SLC24A4: variants seen among roughly 807,000 people sequenced by gnomAD.
The protein encoded by SLC24A4 is sodium/potassium/calcium exchanger 4.
A neutral mutation model predicts 79.0 loss-of-function variants in SLC24A4; 53 were observed. The ratio of observed to expected loss-of-function variants is 0.67; its 90% CI spans 0.54 to 0.84. The LOEUF is 0.84. Among genes scored for constraint, SLC24A4 ranks in the 40% least tolerant of loss-of-function variants. SLC24A4 has a pLI of 0.00. For missense variants in SLC24A4, 731 were observed against 822.0 expected, an observed-to-expected ratio of 0.89 and a Z score of 1.35; for synonymous variants, 323 against 323.8, an observed-to-expected ratio of 1.00 and a Z score of 0.03.
intron 2 of SLC24A4, among the ~76,000 whole-genome samples, chr14:92,404,102 A>G (rs957047961): frequency 3.3e-5 from 5 of 152,188 alleles, no homozygotes; most frequent in Admixed American, 2.6e-4. Flanking sequence ...CTGAATTAAC[A>G]GTGGCATACA....
At chr14:92,472,778 G>C (rs757244251) in intron 12 of SLC24A4, among the ~76,000 whole-genome samples, 1 of 152,168 alleles carries the variant, frequency 6.6e-6, no homozygotes, top group Non-Finnish European at 1.5e-5. Context: ...CACATAATGA[G>C]TTCTTTTCCT....
rs118114784 is a variant in SLC24A4 at position 92,403,270 on chromosome 14, G to T, written c.242-30642G>T. 1.4e-3 allele frequency among the ~76,000 whole-genome samples: 207 copies of T among 152,234 alleles called. 10 individuals carry two copies. In the East Asian group the frequency reaches 0.035, roughly 26 times the overall value. ...ACCTTCTTGGCCATGATACAGTCAT[G>T]CATCCCCGCACACAGAATTAGTTCA... On this transcript the variant is annotated intron_variant, in intron 2 of 16. Transcript: ENST00000532405.
In SLC24A4 at chr14:92,494,828, A is replaced by AAGAATGGGAGGCT. The variant is rs1444901649; in HGVS notation, c.*1201_*1213dup. On this transcript the variant is annotated 3_prime_UTR_variant, in exon 17 of 17. Coordinates refer to ENST00000532405, the MANE Select transcript of SLC24A4 (RefSeq NM_153646.4). This position sits in a 1 kb window ranked among gnomAD's most constrained non-coding sequence, Gnocchi z 4.6. ...ACGTAGTTTCTACACGTGGCAGGCC[A>AAGAATGGGAGGCT]AGAATGGGAGGCTGACTCAAAACTA... 1 of 152,654 alleles carries AAGAATGGGAGGCT rather than the reference A, an allele frequency of 6.6e-6. No individual in the cohort carries two copies. The highest frequency in any genetic ancestry group is 1.5e-5 in the Non-Finnish European group (1 of 68,050). 9.5% of individuals were successfully genotyped at this position (152,654 alleles called of 1,614,324 possible). A position where few individuals can be genotyped will look rare whatever the true frequency, so the allele number is the denominator to read the frequency against.
intron 2 of SLC24A4, among the ~76,000 whole-genome samples, chr14:92,387,698 A>G (rs1889242317): frequency 6.6e-6 from 1 of 152,246 alleles, no homozygotes. Context: ...TGTACCCATG[A>G]GCACTAACTC....
chr14:92,465,593 T>G (rs116464800), intron 12 of SLC24A4, among the ~76,000 whole-genome samples: 1,757 of 152,270 alleles, frequency 0.012, 30 homozygotes, highest in African/African-American at 0.041. Context: ...GGCTTCTCCC[T>G]TGACTGACAG....
intron 7 of SLC24A4, among the ~76,000 whole-genome samples, chr14:92,443,866 G>T (rs1315062176): frequency 6.6e-6 from 1 of 152,160 alleles, no homozygotes; most frequent in Non-Finnish European, 1.5e-5. Flanking sequence ...CACTCATGTG[G>T]CTGTGGGCAG....
intron 2 of SLC24A4, among the ~76,000 whole-genome samples, chr14:92,400,429 C>T (rs1266960887): frequency 1.6e-5 from 2 of 122,796 alleles, no homozygotes; most frequent in African/African-American, 3.2e-5. Flanking sequence ...CAGAGCGAGA[C>T]TCCATCTCAA....
Position 92,433,933 on chromosome 14 carries a change from A to G in SLC24A4, c.263A>G (p.Asp88Gly), listed in dbSNP as rs1216081460. The G allele has an allele frequency of 1.2e-6, 2 of 1,614,118 alleles. No individual in the cohort carries two copies. The highest frequency in any genetic ancestry group is 1.7e-6 in the Non-Finnish European group (2 of 1,180,008). ...TDPAIHEFPT[D>G]LFSNKERQHG... The stretch of plus-strand genomic sequence containing the variant: ...CCAGCGATTCACGAGTTCCCCACAG[A>G]TCTGTTCTCCAATAAGGAGCGACAG... The change falls in exon 3 of 17, where the codon GAT (aspartate) becomes GGT (glycine). Residue 88 changes from aspartate (D) to glycine (G), a missense_variant. By Grantham distance (94) the Asp-to-Gly change is moderately conservative. Transcript: ENST00000532405.
Position 92,323,799 on chromosome 14 carries a change from C to T in SLC24A4, c.-32C>T, listed in dbSNP as rs1206057685. 6.5e-7 allele frequency: 1 copy of T among 1,541,474 alleles called. No individual in the cohort carries two copies. Among genetic ancestry groups the T allele is most frequent in the African/African-American group, 1.4e-5 (1 of 73,728 alleles). On this transcript the variant is annotated 5_prime_UTR_variant, in exon 1 of 17. Coordinates refer to ENST00000532405, the MANE Select transcript of SLC24A4 (RefSeq NM_153646.4). This position sits in a 1 kb window ranked among gnomAD's most constrained non-coding sequence, Gnocchi z 4.9. ...ACTCTGGCCGCTGAAGCTCCCCATC[C>T]TCTCCCAGAGACGGCACCCAGGCGC...
chr14:92,384,685 T>G (rs1431397724), intron 2 of SLC24A4, among the ~76,000 whole-genome samples: 1 of 152,088 alleles, frequency 6.6e-6, no homozygotes, highest in East Asian at 1.9e-4. Context: ...TACTGAGGCT[T>G]TAAATGAGCA....
intron 14 of SLC24A4, 35 bp from the exon 15 acceptor site, chr14:92,491,630 C>A: frequency 7.0e-7 from 1 of 1,424,860 alleles, no homozygotes; most frequent in Admixed American, 1.7e-5. Context: ...TGGTGACCTG[C>A]TCTTATAAAA....
intron 2 of SLC24A4, among the ~76,000 whole-genome samples, chr14:92,359,978 G>A (rs901067384): frequency 6.6e-6 from 1 of 152,230 alleles, no homozygotes; most frequent in Non-Finnish European, 1.5e-5. Context: ...GAGTGCAGTG[G>A]TGCGATCTTG....
At chr14:92,440,892 C>A (rs904843051) in intron 4 of SLC24A4, among the ~76,000 whole-genome samples, 1 of 151,492 alleles carries the variant, frequency 6.6e-6, no homozygotes, top group African/African-American at 2.4e-5. Context: ...GCATCCCAGG[C>A]GGAAGGAATG....
intron 10 of SLC24A4, 74 bp downstream of exon 10, chr14:92,449,290 AC>A: frequency 2.1e-6 from 1 of 475,458 alleles, no homozygotes; most frequent in Non-Finnish European, 3.2e-6. Context: ...GTACACACAC[AC>A]ACACACACAC....
At chr14:92,349,381 A>G (rs893933066) in intron 2 of SLC24A4, among the ~76,000 whole-genome samples, 3 of 152,196 alleles carry the variant, frequency 2.0e-5, no homozygotes, top group African/African-American at 7.2e-5. Context: ...GCTGGTCTCA[A>G]ATTCCTGAGC....
At chr14:92,442,047 C>G (rs1335676540) in intron 4 of SLC24A4, 42 bp from the exon 5 acceptor site, 1 of 1,517,584 alleles carries the variant, frequency 6.6e-7, no homozygotes, top group Non-Finnish European at 9.1e-7. Context: ...GTCCAGTACC[C>G]CCACGTCACA....
intron 2 of SLC24A4, among the ~76,000 whole-genome samples, chr14:92,328,792 G>A (rs1304639524): frequency 6.6e-6 from 1 of 152,242 alleles, no homozygotes; most frequent in Non-Finnish European, 1.5e-5. Context: ...GGAGTGCTGG[G>A]CCCAGGACTG....
intron 12 of SLC24A4, among the ~76,000 whole-genome samples, chr14:92,466,798 A>G (rs1285555310): frequency 6.6e-6 from 1 of 152,178 alleles, no homozygotes; most frequent in Non-Finnish European, 1.5e-5. Context: ...TAGGACCAGG[A>G]TTTAGACTCT....
intron 2 of SLC24A4, among the ~76,000 whole-genome samples, chr14:92,400,259 T>C (rs1319319046): frequency 1.3e-5 from 2 of 151,962 alleles, no homozygotes; most frequent in East Asian, 1.9e-4. Context: ...GCCAACATGG[T>C]GAAACCCCGT....
Sources: gnomAD v4.1 joint callset for allele counts (sites outside exome capture counted in the v4.1 genomes callset) on GRCh38, gnomAD v4.1.1 for gene constraint, Gnocchi (gnomAD v3.1) non-coding constraint, MANE v1.5 for transcripts, NCBI Gene and HGNC (gene_info 2026-07-23, HGNC 2026-07-21) for gene names.